ANKS1B: variants seen among roughly 807,000 people sequenced by gnomAD.
ANKS1B encodes the protein ankyrin repeat and sterile alpha motif domain containing 1B, also known as ankyrin repeat and sterile alpha motif domain-containing protein 1B.
A neutral mutation model predicts 148.3 loss-of-function variants in ANKS1B; 36 were observed. The observed-to-expected ratio is 0.24, with a 90% CI of 0.19 to 0.32. The LOEUF (loss-of-function observed/expected upper bound fraction) is 0.32, where lower values mean the gene tolerates loss of function less well. ANKS1B is among the 10% of genes least tolerant of loss of function. The pLI is 1.00. For synonymous variants in ANKS1B, 542 were observed against 560.8 expected (o/e 0.97, Z 0.47); for missense variants, 1,157 against 1,542.6 (o/e 0.75, Z 4.19).
At chr12:99,082,223 G>A (rs534108881) in intron 16 of ANKS1B, among the ~76,000 whole-genome samples, 3 of 152,196 alleles carry the variant, frequency 2.0e-5, no homozygotes, top group African/African-American at 7.2e-5. Context: ...AAGAAAAAAA[G>A]CAAATAAATA....
intron 1 of ANKS1B, among the ~76,000 whole-genome samples, chr12:99,939,791 T>C (rs35204868): frequency 0.12 from 18,597 of 152,212 alleles, 1,515 homozygotes; most frequent in Middle Eastern, 0.18. Context: ...AAATGTGAGA[T>C]AAGACATAAT....
intron 10 of ANKS1B, among the ~76,000 whole-genome samples, chr12:99,481,513 G>A (rs1002013587): frequency 2.0e-5 from 3 of 151,882 alleles, no homozygotes; most frequent in Admixed American, 6.6e-5. Flanking sequence ...ATGTGTGCCA[G>A]TATCTTTTTC....
At chr12:98,814,293 A>G (rs1456909022) in intron 19 of ANKS1B, among the ~76,000 whole-genome samples, 1 of 152,212 alleles carries the variant, frequency 6.6e-6, no homozygotes, top group African/African-American at 2.4e-5. Flanking sequence ...TCACAGCTAA[A>G]TGTTTAGGGC....
At chr12:99,923,161 C>T (rs2094404330) in intron 1 of ANKS1B, among the ~76,000 whole-genome samples, 2 of 152,168 alleles carry the variant, frequency 1.3e-5, no homozygotes, top group African/African-American at 2.4e-5. Flanking sequence ...CAAGACCTTA[C>T]ATTGCTCTTG....
intron 10 of ANKS1B, among the ~76,000 whole-genome samples, chr12:99,466,201 C>G (rs371379194): frequency 6.6e-6 from 1 of 152,052 alleles, no homozygotes; most frequent in African/African-American, 2.4e-5. Context: ...GGGTACATAA[C>G]GAAATGAAGA....
intron 11 of ANKS1B, among the ~76,000 whole-genome samples, chr12:99,434,189 G>T (rs1414627418): frequency 6.6e-6 from 1 of 152,050 alleles, no homozygotes; most frequent in Non-Finnish European, 1.5e-5. Context: ...GTAATTGACT[G>T]CACCCTGTGC....
chr12:99,456,628 T>A (rs1382408122), intron 10 of ANKS1B, among the ~76,000 whole-genome samples: 2 of 152,120 alleles, frequency 1.3e-5, no homozygotes, highest in Admixed American at 1.3e-4. Context: ...CAAAATGCAC[T>A]GGGAAGTCTC....
chr12:99,981,814 T>A (rs925514611), intron 1 of ANKS1B, among the ~76,000 whole-genome samples: 2 of 152,114 alleles, frequency 1.3e-5, no homozygotes, highest in African/African-American at 4.8e-5. Context: ...ACAACCCAGG[T>A]AATAAAGCAA....
chr12:99,833,062 T>C (rs558297765), intron 1 of ANKS1B, among the ~76,000 whole-genome samples: 2 of 152,260 alleles, frequency 1.3e-5, no homozygotes, highest in Admixed American at 6.5e-5. Flanking sequence ...AGATGAAAAA[T>C]ATTTGCAATA....
intron 9 of ANKS1B, among the ~76,000 whole-genome samples, chr12:99,524,231 T>A (rs931341857): frequency 5.3e-5 from 8 of 152,098 alleles, no homozygotes; most frequent in Non-Finnish European, 8.8e-5. Flanking sequence ...AAAAATAACT[T>A]TTTTTTAAAA....
chr12:99,579,362 A>G (rs2097548708), intron 9 of ANKS1B, among the ~76,000 whole-genome samples: 1 of 152,168 alleles, frequency 6.6e-6, no homozygotes, highest in Non-Finnish European at 1.5e-5. Context: ...ATCTAATTAA[A>G]CTAAAGAGCT....
At chr12:98,912,539 T>A (rs970563004) in intron 17 of ANKS1B, among the ~76,000 whole-genome samples, 6 of 152,220 alleles carry the variant, frequency 3.9e-5, no homozygotes, top group Non-Finnish European at 8.8e-5. Context: ...ACACCACGTG[T>A]CTTGTTTACC....
chr12:99,711,685 A>C (rs1387577021), intron 8 of ANKS1B, among the ~76,000 whole-genome samples: 1 of 152,186 alleles, frequency 6.6e-6, no homozygotes, highest in Non-Finnish European at 1.5e-5. Flanking sequence ...ATTATTAAAA[A>C]GTCAAAAAAA....
At chr12:99,216,823 A>G (rs2084280320) in intron 14 of ANKS1B, among the ~76,000 whole-genome samples, 2 of 152,240 alleles carry the variant, frequency 1.3e-5, no homozygotes, top group Admixed American at 1.3e-4. Flanking sequence ...CAAAGACTAC[A>G]TCTCTTAGCT....
intron 17 of ANKS1B, among the ~76,000 whole-genome samples, chr12:98,849,516 C>T (rs1415890465): frequency 6.6e-6 from 1 of 152,108 alleles, no homozygotes; most frequent in Non-Finnish European, 1.5e-5. Flanking sequence ...TTTTATGAAG[C>T]ACTTGAATCT....
intron 8 of ANKS1B, among the ~76,000 whole-genome samples, chr12:99,696,179 T>C (rs1355393677): frequency 6.6e-6 from 1 of 152,214 alleles, no homozygotes; most frequent in Non-Finnish European, 1.5e-5. Context: ...AATACATATA[T>C]GGTTCGTTGT....
At chr12:99,502,426 A>G (rs2096664758) in intron 10 of ANKS1B, among the ~76,000 whole-genome samples, 1 of 152,094 alleles carries the variant, frequency 6.6e-6, no homozygotes, top group Non-Finnish European at 1.5e-5. Flanking sequence ...ATTCTATTAT[A>G]ACATTCTTTT....
intron 17 of ANKS1B, among the ~76,000 whole-genome samples, chr12:98,848,417 C>T (rs1396620225): frequency 6.6e-6 from 1 of 152,048 alleles, no homozygotes; most frequent in Non-Finnish European, 1.5e-5. Flanking sequence ...CCTTGATATC[C>T]ATGAAATGTG....
intron 25 of ANKS1B, among the ~76,000 whole-genome samples, chr12:98,753,771 G>A (rs1253445884): frequency 1.3e-5 from 2 of 152,244 alleles, no homozygotes; most frequent in East Asian, 1.9e-4. Flanking sequence ...GTCCACTCAC[G>A]GTTTCTCAAA....
Sources: gnomAD v4.1 joint callset for allele counts (sites outside exome capture counted in the v4.1 genomes callset) on GRCh38, gnomAD v4.1.1 for gene constraint, MANE v1.5 for transcripts, NCBI Gene and HGNC (gene_info 2026-07-23, HGNC 2026-07-21) for gene names.